The following PLCH2 variants were observed in gnomAD, a reference collection of about 807,000 sequenced individuals.
The protein encoded by PLCH2 is 1-phosphatidylinositol 4,5-bisphosphate phosphodiesterase eta-2.
PLCH2 carries 98 observed loss-of-function variants against 134.7 expected under a neutral mutation model. The ratio of observed to expected loss-of-function variants is 0.73; its 90% CI spans 0.62 to 0.86. PLCH2 has a LOEUF of 0.86. Ranked by LOEUF, PLCH2 falls within the 40% of genes least tolerant of loss-of-function variation. The pLI, the probability that PLCH2 is intolerant of heterozygous loss-of-function variation, is 0.00. For missense variants in PLCH2, 1,994 were observed against 1,986.6 expected (o/e 1.00, Z -0.07); for synonymous variants, 974 against 827.5 (o/e 1.18, Z -3.04).
chr1:2,421,224 C>T (rs796506964), upstream of PLCH2, among the ~76,000 whole-genome samples: 13 of 152,198 alleles, frequency 8.5e-5, no homozygotes, highest in African/African-American at 2.4e-4. Flanking sequence ...GGGTTACAGA[C>T]GTGAGCCACT....
intron 2 of PLCH2, among the ~76,000 whole-genome samples, chr1:2,438,661 G>A (rs1639546507): frequency 6.6e-6 from 1 of 152,182 alleles, no homozygotes; most frequent in Non-Finnish European, 1.5e-5. Flanking sequence ...TAGGGCAGGT[G>A]AAGGTCCCTT....
At chr1:2,427,178 C>T (rs552296483) in intron 1 of PLCH2, among the ~76,000 whole-genome samples, 4 of 152,308 alleles carry the variant, frequency 2.6e-5, no homozygotes, top group Admixed American at 1.3e-4. Context: ...CAGCGGGTGC[C>T]GGCGGCTAGG....
chr1:2,445,976 C>G (rs1056862952), intron 2 of PLCH2, among the ~76,000 whole-genome samples: 1 of 152,210 alleles, frequency 6.6e-6, no homozygotes, highest in Admixed American at 6.5e-5. Flanking sequence ...GAGCCTGGCC[C>G]GAGCCCCATG....
At chr1:2,416,281 C>T in the PLCH2 span, among the ~76,000 whole-genome samples, 1 of 152,090 alleles carries the variant, frequency 6.6e-6, no homozygotes, top group Non-Finnish European at 1.5e-5. Flanking sequence ...GGGAGTGGCT[C>T]CTGCCCAGCA....
intron 1 of PLCH2, among the ~76,000 whole-genome samples, chr1:2,468,900 G>A (rs1179552722): frequency 6.6e-6 from 1 of 152,200 alleles, no homozygotes; most frequent in African/African-American, 2.4e-5. Flanking sequence ...GAGCAAGCCT[G>A]TCTGCAGTGG....
At chr1:2,435,324 G>T (rs375616250) in intron 2 of PLCH2, among the ~76,000 whole-genome samples, 1 of 152,194 alleles carries the variant, frequency 6.6e-6, no homozygotes, top group Admixed American at 6.5e-5. Flanking sequence ...ACCTGGGCTC[G>T]GGGTGTTTCC....
chr1:2,498,729 ACTC>A lies in PLCH2; in HGVS notation c.2350-12_2350-10del, dbSNP rs778679221. 6.2e-6 allele frequency: 10 copies of A among 1,600,920 alleles called. No homozygotes were observed. The South Asian group carries it at 1.0e-4, about 16-fold the overall frequency. On this transcript the variant is annotated splice_polypyrimidine_tract_variant and intron_variant, in intron 17 of 21. Coordinates refer to ENST00000378486, the MANE Select transcript of PLCH2 (RefSeq NM_014638.4). The surrounding 1 kb of genome is among the most constrained non-coding windows in gnomAD (Gnocchi z 5.4). ...CGCGATGGGCCCTGATGCCACCCCC[ACTC>A]CTGTGTCCCAGATCATCGACCCCTT...
chr1:2,477,211 C>T (rs895382929), intron 1 of PLCH2, among the ~76,000 whole-genome samples: 4 of 152,110 alleles, frequency 2.6e-5, no homozygotes, highest in African/African-American at 7.2e-5. Flanking sequence ...CTCTCTGTTC[C>T]AGCGGCAGAC....
At chr1:2,418,310 C>T in the PLCH2 span, among the ~76,000 whole-genome samples, 10 of 152,214 alleles carry the variant, frequency 6.6e-5, no homozygotes, top group East Asian at 1.7e-3. Context: ...TCAGTTAGAC[C>T]GAGAGAGACA....
At chr1:2,420,738 G>A in the PLCH2 span, among the ~76,000 whole-genome samples, 2 of 152,220 alleles carry the variant, frequency 1.3e-5, no homozygotes, top group African/African-American at 4.8e-5. Context: ...AGGGCTGTGG[G>A]AGTCGCTCCT....
Position 2,487,204 on chromosome 1 carries a change from T to C in PLCH2, c.942T>C (p.Gly314=). Residue 314 remains glycine, a synonymous_variant, in exon 7 of 22, where the codon GGT becomes GGC. Coordinates refer to ENST00000378486, the MANE Select transcript of PLCH2 (RefSeq NM_014638.4). ...CCAACTACACCAGGAGCCCTGCTGGTGACATCTTCAACCCTGAGCACCACC... is the reference window on the plus strand; with the variant it reads ...CCAACTACACCAGGAGCCCTGCTGGCGACATCTTCAACCCTGAGCACCACC... ...GFTNYTRSPA[G]DIFNPEHHHV... The C allele has an allele frequency of 6.3e-7, 1 of 1,587,066 alleles. No individual in the cohort carries two copies. Among genetic ancestry groups the C allele is most frequent in the Non-Finnish European group, 8.6e-7 (1 of 1,167,242 alleles).
upstream of PLCH2, among the ~76,000 whole-genome samples, chr1:2,464,843 C>T (rs1442264615): frequency 2.6e-5 from 4 of 152,238 alleles, no homozygotes; most frequent in Admixed American, 1.3e-4. Context: ...GAGGTCAGGG[C>T]AGCACCTGGT....
In PLCH2 at chr1:2,476,616, A is replaced by G. The variant is rs1057217451; in HGVS notation, c.28A>G (p.Ser10Gly). 1.3e-6 allele frequency: 2 copies of G among 1,592,914 alleles called. No homozygotes were observed. The highest frequency in any genetic ancestry group is 2.7e-5 in the African/African-American group (2 of 74,594). The change falls in exon 1 of 22, where the codon AGC (serine) becomes GGC (glycine). Residue 10 changes from serine (S) to glycine (G), a missense_variant. Transcript: ENST00000378486. Reference sequence around the variant, plus strand: ...GTCTGGTCCATGGCCCTCCCCCGACAGCCGGACCAAGGGAACGGTGGCCTG... The same window carrying G: ...GTCTGGTCCATGGCCCTCCCCCGACGGCCGGACCAAGGGAACGGTGGCCTG... MSGPWPSPD[S>G]RTKGTVAWLA...
chr1:2,424,814 T>G (rs376645807), upstream of PLCH2, among the ~76,000 whole-genome samples: 1 of 152,098 alleles, frequency 6.6e-6, no homozygotes, highest in Non-Finnish European at 1.5e-5. Flanking sequence ...AGTGAAACCC[T>G]GTCTCTACTA....
intron 8 of PLCH2, among the ~76,000 whole-genome samples, chr1:2,488,933 C>T (rs1440453107): frequency 6.6e-6 from 1 of 152,182 alleles, no homozygotes; most frequent in Non-Finnish European, 1.5e-5. Context: ...TTCTCATTGC[C>T]TTTGTTTTTT....
At chr1:2,424,775 C>A (rs552954555), upstream of PLCH2, among the ~76,000 whole-genome samples, 1 of 152,284 alleles carries the variant, frequency 6.6e-6, no homozygotes, top group East Asian at 1.9e-4. Flanking sequence ...ATCACGAGGT[C>A]AGGAGATCGA....
chr1:2,461,314 C>T (rs1045581978), intron 2 of PLCH2, among the ~76,000 whole-genome samples: 22 of 152,204 alleles, frequency 1.4e-4, no homozygotes, highest in African/African-American at 4.3e-4. Flanking sequence ...CCTGACCCAC[C>T]GACCTTGGCC....
rs1349441140 is a variant in PLCH2 at position 2,444,060 on chromosome 1, G to T, written c.115+13431G>T. On this transcript the variant is annotated intron_variant, in intron 2 of 3. Coordinates refer to the PLCH2 transcript ENST00000609981. This position sits in a 1 kb window ranked among gnomAD's most constrained non-coding sequence, Gnocchi z 4.6. The stretch of plus-strand genomic sequence containing the variant: ...CGCCGCAGCCCTGGTGCGGGTCGGG[G>T]CTGAGCCGCCTGGGCTTCAGACTCG... Among the ~76,000 whole-genome samples, 2 of 152,192 alleles carry T rather than the reference G, an allele frequency of 1.3e-5. No homozygotes were observed. Among genetic ancestry groups the T allele is most frequent in the Non-Finnish European group, 2.9e-5 (2 of 68,024 alleles).
chr1:2,467,583 G>C (rs1230028289), exon 1 of PLCH2: 2 of 406,866 alleles, frequency 4.9e-6, no homozygotes, highest in Non-Finnish European at 8.7e-6. Context: ...GGTGTCCCTC[G>C]GGCCGTGCCG....
Sources: allele counts gnomAD v4.1 joint callset (sites outside exome capture counted in the v4.1 genomes callset), GRCh38; gene constraint gnomAD v4.1.1; non-coding constraint Gnocchi (gnomAD v3.1); transcripts MANE v1.5; gene names NCBI Gene and HGNC (gene_info 2026-07-23, HGNC 2026-07-21).